HEPH: variants seen among roughly 807,000 people sequenced by gnomAD.
HEPH encodes the protein hephaestin.
HEPH carries 69 observed loss-of-function variants against 80.8 expected under a neutral mutation model. That is an observed-to-expected ratio of 0.85 (90% confidence interval 0.70 to 1.04). The LOEUF is 1.04. Among genes scored for constraint, HEPH ranks in the 50% least tolerant of loss-of-function variants. HEPH has a pLI of 0.00. For missense variants in HEPH, 1,115 were observed against 891.3 expected, an observed-to-expected ratio of 1.25 and a Z score of -3.20; for synonymous variants, 431 against 322.8, an observed-to-expected ratio of 1.34 and a Z score of -3.60.
chrX:66,205,503 G>T (rs1056633749), intron 13 of HEPH, among the ~76,000 whole-genome samples: 1 of 111,686 alleles, frequency 9.0e-6, no homozygotes, highest in Non-Finnish European at 1.9e-5. Flanking sequence ...CCACTGATGG[G>T]CACCTAGGTT....
chrX:66,240,791 G>A (rs1294141504), intron 15 of HEPH, among the ~76,000 whole-genome samples: 2 of 111,838 alleles, frequency 1.8e-5, no homozygotes, highest in African/African-American at 3.2e-5. Flanking sequence ...AAGTCTATGA[G>A]GATTCATTCC....
intron 15 of HEPH, among the ~76,000 whole-genome samples, chrX:66,252,260 A>G (rs556218610): frequency 1.8e-5 from 2 of 111,963 alleles, no homozygotes; most frequent in South Asian, 7.4e-4. Flanking sequence ...AAAATCAAAT[A>G]TTTATTTTTA....
intron 15 of HEPH, among the ~76,000 whole-genome samples, chrX:66,220,445 T>C (rs1435257307): frequency 9.0e-6 from 1 of 111,136 alleles, no homozygotes; most frequent in African/African-American, 3.3e-5. Context: ...TCAAGGGGGT[T>C]GGTTATTACT....
chrX:66,230,717 T>G (rs1300676888), intron 15 of HEPH, among the ~76,000 whole-genome samples: 46 of 104,984 alleles, frequency 4.4e-4, no homozygotes, highest in Admixed American at 6.2e-4. Flanking sequence ...TTTCTCCCAT[T>G]TTTTAGGTTG....
At chrX:66,234,546 A>T (rs1240593150) in intron 15 of HEPH, among the ~76,000 whole-genome samples, 1 of 109,238 alleles carries the variant, frequency 9.2e-6, no homozygotes, top group Non-Finnish European at 1.9e-5. Flanking sequence ...GTGTATAAGC[A>T]TTCCCTTTTC....
intron 15 of HEPH, among the ~76,000 whole-genome samples, chrX:66,234,391 T>A (rs2090276518): frequency 8.9e-6 from 1 of 111,893 alleles, no homozygotes; most frequent in African/African-American, 3.2e-5. Context: ...TTCATTCATG[T>A]CTTTATGATA....
At chrX:66,238,221 G>T (rs2090435735) in intron 15 of HEPH, among the ~76,000 whole-genome samples, 1 of 111,253 alleles carries the variant, frequency 9.0e-6, no homozygotes, top group Non-Finnish European at 1.9e-5. Context: ...ATTAGTCTGT[G>T]TACTTCAGTA....
intron 15 of HEPH, among the ~76,000 whole-genome samples, chrX:66,212,266 AT>A (rs1371861350): frequency 7.3e-4 from 77 of 105,337 alleles, no homozygotes; most frequent in Non-Finnish European, 1.2e-3. Context: ...ATACTTTGTA[AT>A]TTTTTTTTCC....
intron 15 of HEPH, among the ~76,000 whole-genome samples, chrX:66,223,924 T>C (rs903710990): frequency 1.8e-5 from 2 of 111,906 alleles, no homozygotes; most frequent in Admixed American, 9.5e-5. Flanking sequence ...TTTTATAACA[T>C]TTTTCTCTTT....
rs1054095636 is a variant in HEPH at position 66,203,665 on chromosome X, T to G, written c.2291+88T>G. On this transcript the variant is annotated intron_variant, in intron 13 of 20. Transcript: ENST00000343002. ...AAATTCTGAGATGAGGAGACTCTTA[T>G]CTCAGGTCTCCTAATGTGATACCAA... 2.8e-4 allele frequency: 221 copies of G among 787,410 alleles called. No homozygotes were observed. The African/African-American group carries it at 4.4e-3, about 16-fold the overall frequency. 64.9% of individuals were successfully genotyped at this position (787,410 alleles called of 1,213,427 possible). A position where few individuals can be genotyped will look rare whatever the true frequency, so the allele number is the denominator to read the frequency against.
chrX:66,187,768 G>A (rs1396898835), intron 4 of HEPH, among the ~76,000 whole-genome samples: 1 of 111,579 alleles, frequency 9.0e-6, no homozygotes, highest in East Asian at 2.8e-4. Context: ...TCCACATGCT[G>A]CTCTGTCCAT....
chrX:66,247,838 A>G (rs2090868612), intron 15 of HEPH, among the ~76,000 whole-genome samples: 1 of 111,769 alleles, frequency 8.9e-6, no homozygotes, highest in African/African-American at 3.2e-5. Flanking sequence ...ACTGTCCAAT[A>G]CCATAGCCAC....
At chrX:66,258,191 C>T (rs1489712876) in intron 17 of HEPH, among the ~76,000 whole-genome samples, 2 of 111,227 alleles carry the variant, frequency 1.8e-5, no homozygotes, top group South Asian at 3.8e-4. Flanking sequence ...TAAGCTTTCA[C>T]GCATGAAAAG....
rs773126543 is a variant in HEPH, at chrX:66,195,060, T to G, written c.1370-38T>G. 5.4e-6 allele frequency: 6 copies of G among 1,103,404 alleles called. No homozygotes were observed. The South Asian group carries it at 1.5e-4, about 28-fold the overall frequency. 90.9% of individuals were successfully genotyped at this position (1,103,404 alleles called of 1,213,427 possible). On this transcript the variant is annotated intron_variant, in intron 8 of 20. Transcript: ENST00000343002. ...CATTTCCTTCCTCCCTGTTTATCCC[T>G]TTCATCATTCTCATTGTCTCTCCTT...
chrX:66,229,492 G>A (rs935588969), intron 15 of HEPH, among the ~76,000 whole-genome samples: 3 of 111,629 alleles, frequency 2.7e-5, no homozygotes, highest in Non-Finnish European at 5.6e-5. Context: ...ACTACACATT[G>A]AATACAGTGT....
intron 13 of HEPH, among the ~76,000 whole-genome samples, chrX:66,203,844 G>T: frequency 9.0e-6 from 1 of 111,436 alleles, no homozygotes. Context: ...ATTTACCCTG[G>T]GACTTAAATT....
At chrX:66,165,297 G>C (rs1201784427) in intron 1 of HEPH, among the ~76,000 whole-genome samples, 1 of 111,855 alleles carries the variant, frequency 8.9e-6, no homozygotes, top group Non-Finnish European at 1.9e-5. Context: ...ACAGACAAGA[G>C]ATAGGATTTG....
intron 17 of HEPH, among the ~76,000 whole-genome samples, chrX:66,256,933 T>G (rs2091200872): frequency 1.8e-5 from 2 of 112,113 alleles, no homozygotes; most frequent in South Asian, 7.5e-4. Flanking sequence ...AGCCTTCCTT[T>G]GTTTGAGAGA....
intron 15 of HEPH, among the ~76,000 whole-genome samples, chrX:66,231,858 T>C (rs1382280445): frequency 1.8e-5 from 2 of 108,531 alleles, no homozygotes; most frequent in Admixed American, 9.8e-5. Flanking sequence ...CTTGTGCCAG[T>C]TTTCAAAGGG....
Sources: allele counts gnomAD v4.1 joint callset (sites outside exome capture counted in the v4.1 genomes callset), GRCh38; gene constraint gnomAD v4.1.1; transcripts MANE v1.5; gene names NCBI Gene and HGNC (gene_info 2026-07-23, HGNC 2026-07-21).